Variants in MTHFD1L observed in about 807,000 individuals in gnomAD.
MTHFD1L encodes methylenetetrahydrofolate dehydrogenase (NADP+ dependent) 1 like, also known as monofunctional C1-tetrahydrofolate synthase, mitochondrial.
MTHFD1L carries 81 observed loss-of-function variants against 119.5 expected under a neutral mutation model. The ratio of observed to expected loss-of-function variants is 0.68; its 90% confidence interval spans 0.57 to 0.82. MTHFD1L has a LOEUF of 0.82. Ranked by LOEUF, MTHFD1L falls within the 40% of genes least tolerant of loss-of-function variation. The probability of loss-of-function intolerance (pLI) is 0.00; values close to 1 mark genes in which losing one functional copy is unlikely to be tolerated. For synonymous variants in MTHFD1L, 430 were observed against 475.2 expected, an observed-to-expected ratio of 0.90 and a Z score of 1.24; for missense variants, 1,125 against 1,253.4, an observed-to-expected ratio of 0.90 and a Z score of 1.55.
At chr6:150,911,520 G>T (rs939678820) in intron 8 of MTHFD1L, among the ~76,000 whole-genome samples, 1 of 152,152 alleles carries the variant, frequency 6.6e-6, no homozygotes, top group African/African-American at 2.4e-5. Context: ...TCCACGGACT[G>T]TACAGGTAGT....
Position 150,936,910 on chromosome 6 carries a change from C to T in MTHFD1L, c.1363C>T (p.Pro455Ser). ...NVNSFACLRQ[P>S]SQGPTFGVKG... ...CAACTCCTTTGCCTGCTTGAGGCAG[C>T]CTTCCCAAGGACCGACGTTTGGAGT... Residue 455 changes from proline to serine, a missense_variant, in exon 12 of 28, where the codon CCT becomes TCT. Pro to Ser is a moderately conservative substitution (Grantham distance 74). Transcript: ENST00000367321. 5 of 1,614,160 alleles carry T rather than the reference C, an allele frequency of 3.1e-6. No homozygotes were observed. The highest frequency in any genetic ancestry group is 3.4e-6 in the Non-Finnish European group (4 of 1,180,010).
chr6:150,935,512 A>G, intron 11 of MTHFD1L: 1 of 1,570,180 alleles, frequency 6.4e-7, no homozygotes, highest in Non-Finnish European at 8.6e-7. Flanking sequence ...TTGAGAAACT[A>G]CATGATATGA....
At chr6:150,884,486 C>A (rs1016710600) in intron 5 of MTHFD1L, among the ~76,000 whole-genome samples, 8 of 151,694 alleles carry the variant, frequency 5.3e-5, no homozygotes, top group African/African-American at 1.9e-4. Context: ...TTTTAAAAAA[C>A]GACAATCTCC....
At chr6:150,957,438 T>G (rs1795806746) in intron 17 of MTHFD1L, among the ~76,000 whole-genome samples, 1 of 152,188 alleles carries the variant, frequency 6.6e-6, no homozygotes, top group African/African-American at 2.4e-5. Context: ...AGAAATCCTT[T>G]TTGGATGAGT....
intron 26 of MTHFD1L, among the ~76,000 whole-genome samples, chr6:151,074,610 A>G (rs1380332503): frequency 6.6e-6 from 1 of 152,214 alleles, no homozygotes; most frequent in Non-Finnish European, 1.5e-5. Flanking sequence ...GTGCTGTATA[A>G]TAACGTTTTG....
intron 26 of MTHFD1L, among the ~76,000 whole-genome samples, chr6:151,060,257 A>G (rs528931918): frequency 9.2e-5 from 14 of 152,274 alleles, no homozygotes; most frequent in African/African-American, 3.4e-4. Flanking sequence ...TTGGTACACA[A>G]TCCTCAGATG....
At chr6:150,992,210 C>G (rs1312666805) in intron 20 of MTHFD1L, among the ~76,000 whole-genome samples, 1 of 152,172 alleles carries the variant, frequency 6.6e-6, no homozygotes, top group Non-Finnish European at 1.5e-5. Context: ...GAGATGTGCA[C>G]GTGGTATAAC....
At chr6:151,044,991 A>G (rs993697522) in intron 26 of MTHFD1L, among the ~76,000 whole-genome samples, 7 of 152,074 alleles carry the variant, frequency 4.6e-5, no homozygotes, top group African/African-American at 1.7e-4. Flanking sequence ...CTCTACTGTA[A>G]AAGTATGTAC....
intron 17 of MTHFD1L, 144 bp downstream of exon 17, chr6:150,956,215 T>C (rs1410628994): frequency 1.4e-6 from 1 of 713,100 alleles, no homozygotes; most frequent in African/African-American, 1.8e-5. Flanking sequence ...TCAGCAGGGC[T>C]GGGAGAGGAT....
intron 1 of MTHFD1L, among the ~76,000 whole-genome samples, chr6:150,871,118 TAA>T (rs1328149195): frequency 2.1e-5 from 3 of 143,490 alleles, no homozygotes; most frequent in Non-Finnish European, 4.5e-5. Context: ...TAATATATAT[TAA>T]TATATATCTT....
At chr6:150,971,259 C>T (rs1239432381) in intron 19 of MTHFD1L, among the ~76,000 whole-genome samples, 6 of 152,032 alleles carry the variant, frequency 3.9e-5, no homozygotes, top group African/African-American at 1.4e-4. Context: ...TGCAGTGGTG[C>T]GATCTCAGCT....
At chr6:150,962,833 T>G (rs922612097) in intron 18 of MTHFD1L, among the ~76,000 whole-genome samples, 1 of 152,166 alleles carries the variant, frequency 6.6e-6, no homozygotes. Context: ...ACTCCTCTTC[T>G]TCCACCTGCT....
intron 1 of MTHFD1L, chr6:150,866,772 T>C (rs889530505): frequency 3.3e-6 from 3 of 897,470 alleles, no homozygotes; most frequent in Admixed American, 1.2e-4. Flanking sequence ...CAGAGCGAAC[T>C]GGGAGCCCCG....
chr6:150,950,397 C>T (rs1043294059), intron 16 of MTHFD1L, among the ~76,000 whole-genome samples: 2 of 152,196 alleles, frequency 1.3e-5, no homozygotes, highest in African/African-American at 4.8e-5. Context: ...GGAATCCACC[C>T]AGCCAGTCCA....
intron 20 of MTHFD1L, among the ~76,000 whole-genome samples, chr6:150,995,561 T>A (rs894246487): frequency 6.6e-6 from 1 of 151,936 alleles, no homozygotes; most frequent in Non-Finnish European, 1.5e-5. Context: ...AGGACATCAT[T>A]CCTTTGTCAA....
chr6:151,044,501 C>T (rs1325531953), intron 26 of MTHFD1L, among the ~76,000 whole-genome samples: 1 of 151,892 alleles, frequency 6.6e-6, no homozygotes, highest in African/African-American at 2.4e-5. Context: ...TGGCATTTCA[C>T]TATGTTGTTC....
chr6:150,926,254 G>A lies in MTHFD1L; in HGVS notation c.1215G>A (p.Arg405=), dbSNP rs532040313. 4 of 1,613,814 alleles carry A rather than the reference G, an allele frequency of 2.5e-6. No individual in the cohort carries two copies. Among genetic ancestry groups the A allele is most frequent in the African/African-American group, 1.3e-5 (1 of 74,916 alleles). ...AAGTACGTTTGTCCGTGCTAGAAAG[G>A]TTAAAGGATCAAGCAGATGGAAAAT... ...KAKVRLSVLE[R]LKDQADGKYV... The change falls in exon 11 of 28, where the codon AGG becomes AGA. Residue 405 remains arginine (R), a synonymous_variant. Coordinates refer to ENST00000367321, the MANE Select transcript of MTHFD1L (RefSeq NM_015440.5). This position sits in a 1 kb window ranked among gnomAD's most constrained non-coding sequence, Gnocchi z 4.3.
chr6:151,022,607 CCTTT>C (rs959006403), intron 24 of MTHFD1L, among the ~76,000 whole-genome samples: 11 of 152,150 alleles, frequency 7.2e-5, no homozygotes, highest in Non-Finnish European at 1.6e-4. Flanking sequence ...GAAAGGCTGT[CCTTT>C]CTTTTGGTTG....
chr6:150,916,594 C>G lies in MTHFD1L; in HGVS notation c.893-1983C>G, dbSNP rs189458838. ...TCCACCCTACTCGGCCTCCTAGAGTCCTGGGATTACAGGCGTGAGCCACTA... is the reference window on the plus strand; with the variant it reads ...TCCACCCTACTCGGCCTCCTAGAGTGCTGGGATTACAGGCGTGAGCCACTA... On this transcript the variant is annotated intron_variant, in intron 8 of 27. Coordinates refer to ENST00000367321, the MANE Select transcript of MTHFD1L (RefSeq NM_015440.5). Among the ~76,000 whole-genome samples, 238 of 146,974 alleles carry G rather than the reference C, an allele frequency of 1.6e-3. 1 individual carries two copies. Among genetic ancestry groups the G allele is most frequent in the African/African-American group, 5.6e-3 (224 of 39,828 alleles).
Sources: allele counts gnomAD v4.1 joint callset (sites outside exome capture counted in the v4.1 genomes callset), GRCh38; gene constraint gnomAD v4.1.1; non-coding constraint Gnocchi (gnomAD v3.1); transcripts MANE v1.5; gene names NCBI Gene and HGNC (gene_info 2026-07-23, HGNC 2026-07-21).